The following CCDC57 variants were observed in gnomAD, a reference collection of about 807,000 sequenced individuals.
CCDC57 encodes coiled-coil domain-containing protein 57.
In CCDC57, 118 loss-of-function variants were observed where a neutral mutation model predicts 118.9. The observed-to-expected ratio is 0.99, with a 90% CI of 0.86 to 1.16. The LOEUF (loss-of-function observed/expected upper bound fraction) is 1.16, where lower values mean the gene tolerates loss of function less well. Ranked by LOEUF, CCDC57 falls within the 50% of genes most tolerant of loss-of-function variation. The pLI is 0.00. For missense variants in CCDC57, 1,300 were observed against 1,320.7 expected (o/e 0.98, Z 0.24); for synonymous variants, 527 against 532.9 (o/e 0.99, Z 0.15).
intron 16 of CCDC57, among the ~76,000 whole-genome samples, chr17:82,141,177 ATTTTTTTTT>A (rs56298520): frequency 1.6e-5 from 2 of 121,534 alleles, no homozygotes; most frequent in South Asian, 2.6e-4. Flanking sequence ...CGCCCGGCTA[ATTTTTTTTT>A]TTTTTTTTTT....
Position 82,137,863 on chromosome 17 carries a change from G to A in CCDC57, c.2456-3669C>T, listed in dbSNP as rs571836191. Among the ~76,000 whole-genome samples, 1,400 of 151,144 alleles carry A rather than the reference G, an allele frequency of 9.3e-3. 20 individuals carry two copies. Among genetic ancestry groups the A allele is most frequent in the African/African-American group, 0.033 (1,338 of 41,166 alleles). ...TAATTTTTGTATTTTTAGTAGACGCGGGGTTTCACCTTGTTGGCCAGGATG... is the reference window on the plus strand; with the variant it reads ...TAATTTTTGTATTTTTAGTAGACGCAGGGTTTCACCTTGTTGGCCAGGATG... On this transcript the variant is annotated intron_variant, in intron 16 of 19. Coordinates refer to ENST00000665763, the Ensembl canonical transcript of CCDC57.
chr17:82,189,260 CCT>C (rs1441121046), intron 7 of CCDC57, among the ~76,000 whole-genome samples: 2 of 151,770 alleles, frequency 1.3e-5, no homozygotes, highest in South Asian at 2.1e-4. Flanking sequence ...ACAGTGAGAC[CCT>C]GTCTCAAAAA....
chr17:82,211,080 C>T (rs908944563), intron 1 of CCDC57, among the ~76,000 whole-genome samples: 2 of 149,678 alleles, frequency 1.3e-5, no homozygotes, highest in African/African-American at 4.9e-5. Flanking sequence ...TATTTCCCCA[C>T]AAAATATTTA....
chr17:82,186,897 G>A (rs527569193), intron 8 of CCDC57, among the ~76,000 whole-genome samples: 28 of 151,864 alleles, frequency 1.8e-4, no homozygotes, highest in Admixed American at 2.6e-4. Context: ...AGCCGTGATC[G>A]CACCACTGCA....
In CCDC57 at chr17:82,212,550, G is replaced by A. The variant is rs1354842681; in HGVS notation, c.-211+235C>T. On this transcript the variant is annotated intron_variant, in intron 1 of 19. Transcript: ENST00000665763. The surrounding 1 kb of genome is among the most constrained non-coding windows in gnomAD (Gnocchi z 4.1). ...CCCCAGGTCACCCACGGGAGACCGA[G>A]GGAACGCTCCCGCTCCACGCGGCCG... 1.3e-5 allele frequency among the ~76,000 whole-genome samples: 2 copies of A among 152,082 alleles called. No homozygotes were observed. The highest frequency in any genetic ancestry group is 2.4e-5 in the African/African-American group (1 of 41,446).
intron 19 of CCDC57, among the ~76,000 whole-genome samples, chr17:82,124,643 A>C (rs986723938): frequency 6.6e-6 from 1 of 151,896 alleles, no homozygotes; most frequent in Non-Finnish European, 1.5e-5. Context: ...AAACTAAAAC[A>C]ATCTTAGCTG....
intron 16 of CCDC57, among the ~76,000 whole-genome samples, chr17:82,144,303 A>G (rs1209406523): frequency 6.6e-6 from 1 of 152,080 alleles, no homozygotes; most frequent in Non-Finnish European, 1.5e-5. Flanking sequence ...GCGAGACCCC[A>G]TCTCTTTTAA....
chr17:82,160,873 CAAAAAAAAAA>C (rs55750984), intron 14 of CCDC57, among the ~76,000 whole-genome samples: 1 of 60,868 alleles, frequency 1.6e-5, no homozygotes, highest in Non-Finnish European at 2.9e-5. Flanking sequence ...GACTCTGTCT[CAAAAAAAAAA>C]AAAAAAAAAA....
intron 4 of CCDC57, among the ~76,000 whole-genome samples, chr17:82,195,640 A>G (rs1159685643): frequency 6.6e-6 from 1 of 152,160 alleles, no homozygotes; most frequent in Non-Finnish European, 1.5e-5. Context: ...AAAGAAAAAG[A>G]AAAATCCTTA....
intron 14 of CCDC57, chr17:82,160,532 A>C (rs1251793532): frequency 2.0e-5 from 3 of 151,046 alleles, no homozygotes; most frequent in Non-Finnish European, 4.4e-5. Context: ...GCACTTTGGG[A>C]GGCAGACAGG....
chr17:82,208,297 C>T (rs554704478), intron 1 of CCDC57, among the ~76,000 whole-genome samples: 1 of 152,252 alleles, frequency 6.6e-6, no homozygotes. Flanking sequence ...TGTTTTCTTG[C>T]CCAGGCTGGA....
Position 82,101,958 on chromosome 17 carries a change from CGTGTTCCCGGCCAGCGGGGGCCCT to C in CCDC57, c.2900-116_2900-93del, listed in dbSNP as rs555644736. The C allele has an allele frequency of 2.1e-4, 272 of 1,272,472 alleles. 2 individuals carry two copies. In the African/African-American group the frequency reaches 3.8e-3, roughly 18 times the overall value. 78.8% of individuals were successfully genotyped at this position (1,272,472 alleles called of 1,614,324 possible). A position where few individuals can be genotyped will look rare whatever the true frequency, so the allele number is the denominator to read the frequency against. On this transcript the variant is annotated intron_variant, in intron 19 of 19. Coordinates refer to ENST00000665763, the Ensembl canonical transcript of CCDC57. Reference sequence around the variant, plus strand: ...AGGCACTGCACAGGTGCAGCACTTCCGTGTTCCCGGCCAGCGGGGGCCCTGTGACCCTTGGCCTGGCTTTCCTCC... The same window carrying C: ...AGGCACTGCACAGGTGCAGCACTTCCGTGACCCTTGGCCTGGCTTTCCTCC...
rs866267545 is a variant in CCDC57 at position 82,118,122 on chromosome 17, G to T, written c.2899+9570C>A. Among the ~76,000 whole-genome samples the T allele has an allele frequency of 3.0e-4, 45 of 152,264 alleles. No individual in the cohort carries two copies. Among genetic ancestry groups the T allele is most frequent in the African/African-American group, 1.1e-3 (44 of 41,552 alleles). ...AAATACTGCAGACATAAATAAAAAA[G>T]CAAGCTGCCCCCACGATATGCAATT... On this transcript the variant is annotated intron_variant, in intron 19 of 19. Transcript: ENST00000665763. This position sits in a 1 kb window ranked among gnomAD's most constrained non-coding sequence, Gnocchi z 4.7.
rs183504175 is a variant in CCDC57, at chr17:82,113,609, G to A, written c.2900-11743C>T. On this transcript the variant is annotated intron_variant, in intron 19 of 19. Coordinates refer to ENST00000665763, the Ensembl canonical transcript of CCDC57. ...AGCCCACGTGCTCCTTACCAAGCTC[G>A]CCTCCTGGTTCATGTTTGGGTGAAG... 2.8e-5 allele frequency: 20 copies of A among 717,494 alleles called. No homozygotes were observed. The Middle Eastern group carries it at 6.9e-4, about 25-fold the overall frequency. The allele number at this position is 717,494 out of a possible 1,614,324, so 44.4% of individuals were successfully genotyped here.
chr17:82,141,037 G>A (rs2039935451), intron 16 of CCDC57, among the ~76,000 whole-genome samples: 1 of 151,694 alleles, frequency 6.6e-6, no homozygotes, highest in South Asian at 2.1e-4. Context: ...TTGAGATGGA[G>A]TCTCGATCTG....
At chr17:82,159,164 G>C (rs916962322) in intron 14 of CCDC57, among the ~76,000 whole-genome samples, 1 of 151,402 alleles carries the variant, frequency 6.6e-6, no homozygotes, top group African/African-American at 2.4e-5. Context: ...ACCGTGCCCA[G>C]CCTTGTTTAG....
In CCDC57 at chr17:82,212,395, CTCTTTTTTTT is replaced by C. The variant is rs1568519742; in HGVS notation, c.-211+380_-211+389del. On this transcript the variant is annotated intron_variant, in intron 1 of 19. Coordinates refer to ENST00000665763, the Ensembl canonical transcript of CCDC57. This position sits in a 1 kb window ranked among gnomAD's most constrained non-coding sequence, Gnocchi z 4.1. ...ACCGCCTCCGGCCTTTTTTTTTCCTCTCTTTTTTTTTTTTTTTTTTTAAACTCACAGACAC... is the reference window on the plus strand; with the variant it reads ...ACCGCCTCCGGCCTTTTTTTTTCCTCTTTTTTTTTTTAAACTCACAGACAC... 5.1e-3 allele frequency among the ~76,000 whole-genome samples: 686 copies of C among 134,212 alleles called. 12 individuals are homozygous for C. Among genetic ancestry groups the C allele is most frequent in the African/African-American group, 0.019 (661 of 34,324 alleles). 88.0% of individuals were successfully genotyped at this position (134,212 alleles called of 152,430 possible).
intron 16 of CCDC57, among the ~76,000 whole-genome samples, chr17:82,150,911 C>T (rs1202383900): frequency 9.0e-5 from 3 of 33,188 alleles, no homozygotes; most frequent in Non-Finnish European, 1.8e-4. Context: ...AGAACCTGAC[C>T]CGCACCCAGA....
At chr17:82,134,621 C>A (rs1267244327) in intron 16 of CCDC57, among the ~76,000 whole-genome samples, 1 of 152,058 alleles carries the variant, frequency 6.6e-6, no homozygotes, top group East Asian at 1.9e-4. Flanking sequence ...TGGTGAAACT[C>A]CGTCTCTACT....
Sources: allele counts gnomAD v4.1 joint callset (sites outside exome capture counted in the v4.1 genomes callset), GRCh38; gene constraint gnomAD v4.1.1; non-coding constraint Gnocchi (gnomAD v3.1); transcripts MANE v1.5; gene names NCBI Gene and HGNC (gene_info 2026-07-23, HGNC 2026-07-21).